Variants in MSH6 observed in about 807,000 individuals in gnomAD.
The protein encoded by MSH6 is mutS homolog 6, also known as DNA mismatch repair protein Msh6.
Under a neutral mutation model 119.1 loss-of-function variants are expected in MSH6, and 85 were observed. The observed-to-expected ratio is 0.71, with a 90% CI of 0.60 to 0.85. The LOEUF is 0.85. Ranked by LOEUF, MSH6 falls within the 40% of genes least tolerant of loss-of-function variation. The pLI is 0.00. For missense variants in MSH6, 2,163 were observed against 1,655.3 expected, an observed-to-expected ratio of 1.31 and a Z score of -5.32; for synonymous variants, 830 against 586.9, an observed-to-expected ratio of 1.41 and a Z score of -5.99.
rs751838296 is a variant in MSH6, at chr2:47,783,348, G to C, written c.115G>C (p.Gly39Arg). ...AGGCGGCCGTGCCGCCGCTGCCCCC[G>C]GGGCCTCTCCTTCCCCAGGCGGGGA... Reference protein sequence around the residue: ...REGGRAAAAPGASPSPGGDAA... With the variant: ...REGGRAAAAPRASPSPGGDAA... The change falls in exon 1 of 10, where the codon GGG becomes CGG. Residue 39 changes from glycine to arginine, a missense_variant. By Grantham distance (125) the Gly-to-Arg change is moderately radical. Coordinates refer to ENST00000234420, the MANE Select transcript of MSH6 (RefSeq NM_000179.3). 98 of 1,609,350 alleles carry C rather than the reference G, an allele frequency of 6.1e-5. No individual in the cohort carries two copies. The South Asian group carries it at 1.0e-3, about 17-fold the overall frequency.
At chr2:47,793,411 C>T (rs962155657) in intron 2 of MSH6, among the ~76,000 whole-genome samples, 2 of 148,666 alleles carry the variant, frequency 1.3e-5, no homozygotes, top group Admixed American at 6.7e-5. Flanking sequence ...GGGTGGATCA[C>T]GAGGTCAGGC....
At chr2:47,795,714 G>A (rs958662264) in intron 2 of MSH6, among the ~76,000 whole-genome samples, 180 bp from the exon 3 acceptor site, 1 of 151,274 alleles carries the variant, frequency 6.6e-6, no homozygotes, top group African/African-American at 2.4e-5. Flanking sequence ...CAAGTAGTCC[G>A]CCCACCTAAG....
Position 47,798,765 on chromosome 2 carries a change from C to T in MSH6, c.782C>T (p.Ser261Phe), listed in dbSNP as rs876661250. The change falls in exon 4 of 10, where the codon TCT (serine) becomes TTT (phenylalanine). Residue 261 changes from serine (S) to phenylalanine (F), a missense_variant. Physicochemically the swap from Ser to Phe is radical, Grantham distance 155 (BLOSUM62 -2). Transcript: ENST00000234420. ...ISDSESDIGGSDVEFKPDTKE... is the reference protein window; with the variant it reads ...ISDSESDIGGFDVEFKPDTKE... ...GATTCTGAGAGTGACATTGGTGGCT[C>T]TGATGTGGAATTTAAGCCAGACACT... 1.9e-6 allele frequency: 3 copies of T among 1,614,088 alleles called. No individual in the cohort carries two copies. The highest frequency in any genetic ancestry group is 2.5e-6 in the Non-Finnish European group (3 of 1,180,016).
At chr2:47,783,605 C>T (rs1472668071) in intron 1 of MSH6, 112 bp downstream of exon 1, 4 of 1,131,876 alleles carry the variant, frequency 3.5e-6, no homozygotes, top group Non-Finnish European at 4.7e-6. Flanking sequence ...TGGCCCTGGG[C>T]TCGGAGGAGG....
downstream of MSH6, chr2:47,807,168 C>T (rs953324448): frequency 9.4e-5 from 27 of 287,398 alleles, no homozygotes; most frequent in Middle Eastern, 1.1e-3. Flanking sequence ...CTTGTCTCAG[C>T]TTAATGCAGG....
At chr2:47,796,847 A>G (rs909102506) in intron 3 of MSH6, among the ~76,000 whole-genome samples, 1 of 152,080 alleles carries the variant, frequency 6.6e-6, no homozygotes, top group Non-Finnish European at 1.5e-5. Context: ...TGTAGTCCCA[A>G]CCACTTGGGA....
downstream of MSH6, chr2:47,809,632 A>T: frequency 6.2e-7 from 1 of 1,613,562 alleles, no homozygotes; most frequent in Non-Finnish European, 8.5e-7. Flanking sequence ...AGATGCTAAA[A>T]ATAAGCCTCC....
rs764786814 is a variant in MSH6, at chr2:47,806,601, T to G, written c.3951T>G (p.His1317Gln). The change falls in exon 9 of 10, where the codon CAT becomes CAG. Residue 1317 changes from histidine (H) to glutamine (Q), a missense_variant. His to Gln is a conservative substitution (Grantham distance 24, BLOSUM62 0). Coordinates refer to ENST00000234420, the MANE Select transcript of MSH6 (RefSeq NM_000179.3). ...NLPEEVIQKG[H>Q]RKAREFEKMN... ...CAGAGGAAGTTATTCAAAAGGGACA[T>G]AGAAAAGCAAGAGAATTTGAGAAGA... is the stretch of plus-strand genomic sequence containing the variant. The G allele has an allele frequency of 1.2e-6, 2 of 1,613,250 alleles. No homozygotes were observed. Among genetic ancestry groups the G allele is most frequent in the African/African-American group, 1.3e-5 (1 of 74,982 alleles).
In MSH6 at chr2:47,806,787, G is replaced by C. The variant is rs2104579758; in HGVS notation, c.4010G>C (p.Cys1337Ser). Reference protein sequence around the residue: ...NQSLRLFREVCLASERSTVDA... With the variant: ...NQSLRLFREVSLASERSTVDA... ...TTTTTTTTAATTTTAAGGGAAGTTTGCCTGGCTAGTGAAAGGTCAACTGTA... is the reference window on the plus strand; with the variant it reads ...TTTTTTTTAATTTTAAGGGAAGTTTCCCTGGCTAGTGAAAGGTCAACTGTA... Residue 1337 changes from cysteine (C) to serine (S), a missense_variant, in exon 10 of 10, where the codon TGC becomes TCC. Physicochemically the swap from Cys to Ser is moderately radical, Grantham distance 112. Coordinates refer to ENST00000234420, the MANE Select transcript of MSH6 (RefSeq NM_000179.3). 1 of 1,586,342 alleles carries C rather than the reference G, an allele frequency of 6.3e-7. No homozygotes were observed. Among genetic ancestry groups the C allele is most frequent in the Non-Finnish European group, 8.6e-7 (1 of 1,166,156 alleles).
chr2:47,809,492 CTG>C (rs371885301), downstream of MSH6: 59 of 825,616 alleles, frequency 7.1e-5, no homozygotes, highest in African/African-American at 9.5e-4. Flanking sequence ...CTATCTTAAA[CTG>C]TTGCTAACTT....
At chr2:47,805,796 A>G in intron 7 of MSH6, 89 bp downstream of exon 7, 1 of 1,062,046 alleles carries the variant, frequency 9.4e-7, no homozygotes, top group Non-Finnish European at 1.5e-6. Context: ...TCTGAAGTAC[A>G]TTTAAACAAT....
At chr2:47,806,121 T>C (rs190312288) in intron 7 of MSH6, 83 bp from the exon 8 acceptor site, 186 of 1,377,428 alleles carry the variant, frequency 1.4e-4, no homozygotes, top group Middle Eastern at 4.4e-4. Flanking sequence ...GATGTTGCTT[T>C]TCTGTCCTAG....
rs587778528 is a variant in MSH6 at position 47,795,912 on chromosome 2, C to T, written c.476C>T (p.Ala159Val). The change falls in exon 3 of 10, where the codon GCC becomes GTC. Residue 159 changes from alanine (A) to valine (V), a missense_variant. Transcript: ENST00000234420. ...KPYTGSKSKE[A>V]QKGGHFYSAK... ...TTTCTAGGTTCAAAATCAAAGGAAG[C>T]CCAGAAGGGAGGTCATTTTTACAGT... is the stretch of plus-strand genomic sequence containing the variant. The T allele has an allele frequency of 9.3e-6, 15 of 1,613,904 alleles. No homozygotes were observed. Among genetic ancestry groups the T allele is most frequent in the Non-Finnish European group, 1.1e-5 (13 of 1,179,948 alleles).
At chr2:47,789,315 A>T (rs1313644408) in intron 1 of MSH6, 1 of 385,366 alleles carries the variant, frequency 2.6e-6, no homozygotes, top group African/African-American at 2.1e-5. Flanking sequence ...GAAAAACAAA[A>T]TTTTTTGTTT....
chr2:47,804,241 G>T (rs1669807894), intron 5 of MSH6, among the ~76,000 whole-genome samples: 1 of 152,052 alleles, frequency 6.6e-6, no homozygotes, highest in South Asian at 2.1e-4. Context: ...CTCCCCAGTA[G>T]CTGGGACTAC....
chr2:47,798,079 C>A (rs551586922), intron 3 of MSH6: 4 of 206,586 alleles, frequency 1.9e-5, no homozygotes, highest in African/African-American at 7.0e-5. Flanking sequence ...GCTACACTTA[C>A]AGCAAGTCCA....
rs878853726 is a variant in MSH6, at chr2:47,800,989, C to T, written c.3006C>T (p.Gly1002=). Residue 1002 remains glycine (G), a synonymous_variant, in exon 4 of 10, where the codon GGC becomes GGT. Transcript: ENST00000234420. ...EEYELKSTKK[G]CKRYWTKTIE... ...ACGAGTTGAAATCTACCAAGAAGGG[C>T]TGTAAACGATACTGGACCAAAACTA... 3 of 1,562,346 alleles carry T rather than the reference C, an allele frequency of 1.9e-6. No homozygotes were observed. The highest frequency in any genetic ancestry group is 1.7e-6 in the Non-Finnish European group (2 of 1,156,774).
downstream of MSH6, chr2:47,809,095 T>G (rs189010845): frequency 1.9e-6 from 2 of 1,029,754 alleles, no homozygotes; most frequent in African/African-American, 3.3e-5. Flanking sequence ...ATGCTAGGCA[T>G]TGCTAATTTA....
In MSH6 at chr2:47,801,373, T is replaced by TG. The variant is rs941404306; in HGVS notation, c.3172+218_3172+219insG. The TG allele has an allele frequency of 1.1e-5, 5 of 476,022 alleles. No individual in the cohort carries two copies. In the African/African-American group the frequency reaches 1.1e-4, roughly 11 times the overall value. 29.5% of individuals were successfully genotyped at this position (476,022 alleles called of 1,614,324 possible). A position where few individuals can be genotyped will look rare whatever the true frequency, so the allele number is the denominator to read the frequency against. Reference sequence around the variant, plus strand: ...TGGCCTTTCTTCAGTTTTTTTTTTTTTTTTTTTTTTTTTGAGACATGGTCT... The same window carrying TG: ...TGGCCTTTCTTCAGTTTTTTTTTTTTGTTTTTTTTTTTTTGAGACATGGTCT... On this transcript the variant is annotated intron_variant, in intron 4 of 9. Transcript: ENST00000234420.
Sources: gnomAD v4.1 joint callset for allele counts (sites outside exome capture counted in the v4.1 genomes callset) on GRCh38, gnomAD v4.1.1 for gene constraint, MANE v1.5 for transcripts, NCBI Gene and HGNC (gene_info 2026-07-23, HGNC 2026-07-21) for gene names.